GLT1D1: variants seen among roughly 807,000 people sequenced by gnomAD.
GLT1D1 encodes the protein glycosyltransferase 1 domain-containing protein 1.
GLT1D1 carries 21 observed loss-of-function variants against 28.7 expected under a neutral mutation model. The observed-to-expected ratio is 0.73, with a 90% CI of 0.52 to 1.05. GLT1D1 has a LOEUF of 1.05. Ranked by LOEUF, GLT1D1 falls within the 50% of genes least tolerant of loss-of-function variation. The pLI, the probability that GLT1D1 is intolerant of heterozygous loss-of-function variation, is 0.00. For missense variants in GLT1D1, 343 were observed against 330.6 expected, an observed-to-expected ratio of 1.04 and a Z score of -0.29; for synonymous variants, 147 against 124.8, an observed-to-expected ratio of 1.18 and a Z score of -1.19.
At chr12:128,915,046 T>A in intron 4 of GLT1D1, 57 bp downstream of exon 6, 1 of 1,367,892 alleles carries the variant, frequency 7.3e-7, no homozygotes, top group Non-Finnish European at 1.0e-6. Context: ...TCAGTTACTT[T>A]CAGGAGCTTG....
intron 4 of GLT1D1, chr12:128,914,976 T>A: frequency 6.5e-7 from 1 of 1,535,864 alleles, no homozygotes; most frequent in Non-Finnish European, 8.7e-7. Context: ...GGAATACCTT[T>A]CTTCAACGCT....
intron 4 of GLT1D1, among the ~76,000 whole-genome samples, chr12:128,936,724 G>GTT (rs1478528417): frequency 6.6e-6 from 1 of 152,146 alleles, no homozygotes; most frequent in African/African-American, 2.4e-5. Context: ...TTATATCGAA[G>GTT]ATTACTTCCC....
At chr12:128,914,092 T>A (rs1871836615) in intron 4 of GLT1D1, among the ~76,000 whole-genome samples, 1 of 152,224 alleles carries the variant, frequency 6.6e-6, no homozygotes, top group South Asian at 2.1e-4. Context: ...TCAAAATGTT[T>A]CTGTTACCAA....
chr12:128,902,313 G>T (rs997740574), intron 4 of GLT1D1, among the ~76,000 whole-genome samples: 1 of 150,812 alleles, frequency 6.6e-6, no homozygotes, highest in Non-Finnish European at 1.5e-5. Context: ...GAGAAACCCC[G>T]ACTCTACTAA....
chr12:128,899,055 T>A (rs1869949930), intron 3 of GLT1D1, among the ~76,000 whole-genome samples, 181 bp from the exon 4 acceptor site: 2 of 152,172 alleles, frequency 1.3e-5, no homozygotes, highest in Admixed American at 6.5e-5. Flanking sequence ...CATATAAAAC[T>A]TTTTTTTGAT....
chr12:128,881,475 A>T (rs1957041397), intron 2 of GLT1D1, among the ~76,000 whole-genome samples: 1 of 133,334 alleles, frequency 7.5e-6, no homozygotes, highest in Non-Finnish European at 1.6e-5. Context: ...TGAACGTTGC[A>T]GTGAGCTGAG....
At chr12:128,905,405 T>C (rs916648599) in intron 4 of GLT1D1, among the ~76,000 whole-genome samples, 2 of 152,190 alleles carry the variant, frequency 1.3e-5, no homozygotes, top group South Asian at 2.1e-4. Context: ...ACTCACACGA[T>C]ATCTGATCCT....
intron 1 of GLT1D1, 56 bp downstream of exon 1, chr12:128,853,705 A>T (rs1956130431): frequency 9.8e-7 from 1 of 1,017,334 alleles, no homozygotes; most frequent in African/African-American, 1.7e-5. Flanking sequence ...GGGGGCGGGG[A>T]CGCGGGACCC....
At chr12:128,982,677 C>CGTGTGTGTGCATGTGTGTGCATAT (rs1403652624) in intron 7 of GLT1D1, among the ~76,000 whole-genome samples, 1 of 151,580 alleles carries the variant, frequency 6.6e-6, no homozygotes, top group African/African-American at 2.4e-5. Flanking sequence ...CATATGTGTG[C>CGTGTGTGTGCATGTGTGTGCATAT]GTGTGTGTGC....
chr12:128,939,308 T>C (rs1874878855), intron 4 of GLT1D1, among the ~76,000 whole-genome samples: 1 of 151,410 alleles, frequency 6.6e-6, no homozygotes, highest in African/African-American at 2.4e-5. Context: ...ATACCTGTAA[T>C]CCTAGCACTT....
chr12:128,974,820 A>C (rs1879608368), intron 7 of GLT1D1, among the ~76,000 whole-genome samples: 1 of 152,232 alleles, frequency 6.6e-6, no homozygotes. Flanking sequence ...GTTTTTGAGC[A>C]CTGGATGCAT....
intron 3 of GLT1D1, among the ~76,000 whole-genome samples, chr12:128,894,721 G>A (rs944103135): frequency 2.6e-5 from 4 of 151,784 alleles, no homozygotes; most frequent in Admixed American, 1.3e-4. Flanking sequence ...ATGGTGGTGC[G>A]TGCCTGTAAT....
At chr12:128,941,901 CTCTCTTTT>C (rs1875310809) in intron 4 of GLT1D1, among the ~76,000 whole-genome samples, 1 of 119,476 alleles carries the variant, frequency 8.4e-6, no homozygotes, top group South Asian at 3.3e-4. Context: ...CTCTCTCTCT[CTCTCTTTT>C]TTTTTTTTTT....
chr12:128,980,623 G>A (rs1167946205), intron 7 of GLT1D1, among the ~76,000 whole-genome samples: 1 of 152,212 alleles, frequency 6.6e-6, no homozygotes, highest in African/African-American at 2.4e-5. Context: ...CATGGTGTTG[G>A]TCACTGCTCA....
intron 4 of GLT1D1, among the ~76,000 whole-genome samples, chr12:128,912,208 A>G (rs1458809853): frequency 6.6e-6 from 1 of 152,202 alleles, no homozygotes; most frequent in Non-Finnish European, 1.5e-5. Context: ...TTCTTACCTT[A>G]TAGATGCTGT....
intron 3 of GLT1D1, among the ~76,000 whole-genome samples, chr12:128,896,173 G>A (rs1869602462): frequency 6.6e-6 from 1 of 152,054 alleles, no homozygotes; most frequent in Non-Finnish European, 1.5e-5. Flanking sequence ...TTTTGTCAAG[G>A]AGAAAAGAGA....
chr12:128,854,599 G>A (rs995850985), intron 1 of GLT1D1, among the ~76,000 whole-genome samples: 1 of 152,054 alleles, frequency 6.6e-6, no homozygotes, highest in Admixed American at 6.6e-5. Flanking sequence ...CTGGATTCAA[G>A]CATTCTCCTG....
intron 3 of GLT1D1, among the ~76,000 whole-genome samples, chr12:128,889,462 C>T (rs1237384261): frequency 1.3e-5 from 2 of 152,064 alleles, no homozygotes; most frequent in Admixed American, 6.6e-5. Flanking sequence ...TGGGGGCTGC[C>T]CTGCACGTCT....
chr12:128,868,660 T>C (rs1035117105), intron 1 of GLT1D1, among the ~76,000 whole-genome samples: 1 of 152,126 alleles, frequency 6.6e-6, no homozygotes, highest in Non-Finnish European at 1.5e-5. Context: ...TAGCAGTGAG[T>C]AGCTCCTCGA....
Sources: gnomAD v4.1 joint callset for allele counts (sites outside exome capture counted in the v4.1 genomes callset) on GRCh38, gnomAD v4.1.1 for gene constraint, MANE v1.5 for transcripts, NCBI Gene and HGNC (gene_info 2026-07-23, HGNC 2026-07-21) for gene names.